The following PTPRN2 variants were observed in gnomAD, a reference collection of about 807,000 sequenced individuals.
PTPRN2 encodes the protein protein tyrosine phosphatase receptor type N2.
In PTPRN2, 74 loss-of-function variants were observed where a neutral mutation model predicts 118.8. The observed-to-expected ratio is 0.62, with a 90% CI of 0.52 to 0.76. PTPRN2 has a LOEUF of 0.76. Among genes scored for constraint, PTPRN2 ranks in the 30% least tolerant of loss-of-function variants. The probability of loss-of-function intolerance (pLI) is 0.00; values close to 1 mark genes in which losing one functional copy is unlikely to be tolerated. For missense variants in PTPRN2, 1,481 were observed against 1,394.4 expected (o/e 1.06, Z -0.99); for synonymous variants, 641 against 608.0 (o/e 1.05, Z -0.80).
intron 22 of PTPRN2, among the ~76,000 whole-genome samples, chr7:157,546,297 T>G (rs1041476871): frequency 6.6e-6 from 1 of 152,240 alleles, no homozygotes; most frequent in African/African-American, 2.4e-5. Flanking sequence ...ATTTAAGTTC[T>G]GGGATACATG....
chr7:157,811,332 T>TTTTATATATATATATA (rs1424012856), intron 12 of PTPRN2, among the ~76,000 whole-genome samples: 6 of 131,294 alleles, frequency 4.6e-5, no homozygotes, highest in African/African-American at 1.1e-4. Flanking sequence ...ATCTACTCTA[T>TTTTATATATATATATA]TATATATATA....
At chr7:158,510,755 G>A (rs1221794717) in intron 1 of PTPRN2, among the ~76,000 whole-genome samples, 1 of 152,208 alleles carries the variant, frequency 6.6e-6, no homozygotes, top group Non-Finnish European at 1.5e-5. Flanking sequence ...CTATGAGTAG[G>A]TCGGATGTGA....
At chr7:157,613,544 C>A (rs999583545) in intron 15 of PTPRN2, among the ~76,000 whole-genome samples, 1 of 152,220 alleles carries the variant, frequency 6.6e-6, no homozygotes, top group Non-Finnish European at 1.5e-5. Flanking sequence ...TCCTCAGAAG[C>A]CGGCAGGGCG....
chr7:157,897,865 T>A (rs1797221159), intron 12 of PTPRN2, among the ~76,000 whole-genome samples: 1 of 152,258 alleles, frequency 6.6e-6, no homozygotes, highest in Non-Finnish European at 1.5e-5. Flanking sequence ...TTATCTCTAA[T>A]GGCGAGCGCT....
At chr7:158,277,893 A>G (rs879611518) in intron 3 of PTPRN2, among the ~76,000 whole-genome samples, 5 of 152,154 alleles carry the variant, frequency 3.3e-5, no homozygotes, top group Non-Finnish European at 7.3e-5. Flanking sequence ...CGGCTGCGGC[A>G]GAGTCTAAGA....
At chr7:158,357,937 A>G (rs1808521457) in intron 2 of PTPRN2, among the ~76,000 whole-genome samples, 1 of 152,174 alleles carries the variant, frequency 6.6e-6, no homozygotes, top group East Asian at 1.9e-4. Context: ...ACTTACAATC[A>G]GGGGTGCATG....
rs530961474 is a variant in PTPRN2 at position 157,841,532 on chromosome 7, C to T, written c.1788+57141G>A. Among the ~76,000 whole-genome samples, 11 of 152,278 alleles carry T rather than the reference C, an allele frequency of 7.2e-5. No individual in the cohort carries two copies. In the South Asian group the frequency reaches 2.3e-3, roughly 32 times the overall value. On this transcript the variant is annotated intron_variant, in intron 12 of 22. Coordinates refer to ENST00000389418, the MANE Select transcript of PTPRN2 (RefSeq NM_002847.5). ...GAACCCTAAATTAGTCTTAAACACA[C>T]ACACAAATCTATCTGAGGCAGGGAA...
At chr7:157,930,717 C>G (rs989724570) in intron 11 of PTPRN2, among the ~76,000 whole-genome samples, 9 of 152,368 alleles carry the variant, frequency 5.9e-5, no homozygotes, top group African/African-American at 2.2e-4. Flanking sequence ...AAGCGGGCAG[C>G]TTCCTGGGGC....
intron 1 of PTPRN2, among the ~76,000 whole-genome samples, chr7:158,578,260 G>T (rs1828442199): frequency 6.7e-6 from 1 of 149,730 alleles, no homozygotes; most frequent in Non-Finnish European, 1.5e-5. Flanking sequence ...TAAGAAATTT[G>T]TATGAATATT....
intron 2 of PTPRN2, among the ~76,000 whole-genome samples, chr7:158,468,670 G>A (rs1238625651): frequency 2.0e-5 from 3 of 152,180 alleles, no homozygotes; most frequent in Admixed American, 1.3e-4. Context: ...GCAGGGTGGT[G>A]GCAGGGCAAG....
rs373671448 is a variant in PTPRN2, at chr7:158,256,421, A to G, written c.278-51148T>C. ...GGAGCAAGGTCACCAGCCAGTCACA[A>G]GTGCAGGGCCATTATTCTGGTCCGC... On this transcript the variant is annotated intron_variant, in intron 3 of 22. Coordinates refer to ENST00000389418, the MANE Select transcript of PTPRN2 (RefSeq NM_002847.5). Among the ~76,000 whole-genome samples the G allele has an allele frequency of 9.2e-4, 140 of 152,224 alleles. 1 individual carries two copies. Among genetic ancestry groups the G allele is most frequent in the African/African-American group, 3.1e-3 (130 of 41,468 alleles).
chr7:157,658,729 A>C (rs1463573160), intron 13 of PTPRN2, among the ~76,000 whole-genome samples: 1 of 152,198 alleles, frequency 6.6e-6, no homozygotes, highest in Non-Finnish European at 1.5e-5. Flanking sequence ...CCTGATGAAA[A>C]TATACCTGTA....
At chr7:157,863,614 C>T (rs1311522147) in intron 12 of PTPRN2, 3 of 152,160 alleles carry the variant, frequency 2.0e-5, no homozygotes, top group Admixed American at 1.3e-4. Flanking sequence ...GTTCACTGGC[C>T]CTGTGATGGG....
Position 157,547,902 on chromosome 7 carries a change from C to T in PTPRN2, c.2976+1044G>A, listed in dbSNP as rs375436733. On this transcript the variant is annotated intron_variant, in intron 22 of 22. Transcript: ENST00000389418. ...AGCAGAGGAACCATGATGCCCCTCG[C>T]GTGGCCGCCCTGGGCGTGTCCTGCT... Among the ~76,000 whole-genome samples the T allele has an allele frequency of 7.9e-5, 12 of 151,426 alleles. No individual in the cohort carries two copies. In the East Asian group the frequency reaches 1.3e-3, roughly 17 times the overall value.
intron 14 of PTPRN2, among the ~76,000 whole-genome samples, chr7:157,649,482 T>A (rs1302944394): frequency 1.4e-5 from 2 of 144,414 alleles, no homozygotes; most frequent in Admixed American, 1.4e-4. Context: ...ACTCGGTGGG[T>A]CGGACCCATC....
intron 2 of PTPRN2, among the ~76,000 whole-genome samples, chr7:158,442,075 A>T (rs1020709752): frequency 1.5e-5 from 2 of 135,390 alleles, no homozygotes; most frequent in African/African-American, 5.6e-5. Context: ...CAGTGGTGGC[A>T]GTGGTGGTGA....
intron 14 of PTPRN2, among the ~76,000 whole-genome samples, chr7:157,652,507 C>T (rs1805728054): frequency 6.6e-6 from 1 of 152,244 alleles, no homozygotes; most frequent in African/African-American, 2.4e-5. Flanking sequence ...GACCTGACCA[C>T]CTGCTGTCAT....
At chr7:157,641,372 C>CT (rs1452213098) in intron 14 of PTPRN2, among the ~76,000 whole-genome samples, 1 of 152,196 alleles carries the variant, frequency 6.6e-6, no homozygotes, top group African/African-American at 2.4e-5. Context: ...AGGCCAAACA[C>CT]TGAGTGAGTG....
chr7:157,835,258 G>A (rs1407998247), intron 12 of PTPRN2, among the ~76,000 whole-genome samples: 1 of 152,064 alleles, frequency 6.6e-6, no homozygotes, highest in Admixed American at 6.6e-5. Flanking sequence ...CTAAAAACAG[G>A]AGCAGAAACA....
Sources: allele counts gnomAD v4.1 joint callset (sites outside exome capture counted in the v4.1 genomes callset), GRCh38; gene constraint gnomAD v4.1.1; transcripts MANE v1.5; gene names NCBI Gene and HGNC (gene_info 2026-07-23, HGNC 2026-07-21).